Variants in THSD7A observed in about 807,000 individuals in gnomAD.
THSD7A encodes thrombospondin type-1 domain-containing protein 7A.
In THSD7A, 96 loss-of-function variants were observed where a neutral mutation model predicts 231.3. That is an observed-to-expected ratio of 0.41 (90% CI 0.35 to 0.49). The LOEUF (loss-of-function observed/expected upper bound fraction) is 0.49. THSD7A is among the 20% of genes least tolerant of loss of function. The pLI is 0.05. For missense variants in THSD7A, 2,290 were observed against 2,070.2 expected (o/e 1.11, Z -2.06); for synonymous variants, 940 against 743.3 (o/e 1.26, Z -4.30).
chr7:11,700,036 T>C (rs1780538547), intron 1 of THSD7A, among the ~76,000 whole-genome samples: 2 of 151,486 alleles, frequency 1.3e-5, no homozygotes, highest in Non-Finnish European at 3.0e-5. Context: ...ATAGTATTAG[T>C]TTAAAATTGT....
At chr7:11,684,994 C>A (rs1779986378) in intron 1 of THSD7A, among the ~76,000 whole-genome samples, 1 of 151,852 alleles carries the variant, frequency 6.6e-6, no homozygotes, top group Non-Finnish European at 1.5e-5. Flanking sequence ...TATAAGTAAC[C>A]AAAACTGCAT....
chr7:11,614,380 G>A (rs1004930159), intron 2 of THSD7A, among the ~76,000 whole-genome samples: 19 of 152,188 alleles, frequency 1.2e-4, no homozygotes, highest in Admixed American at 1.1e-3. Context: ...ACAAAAAGGG[G>A]AGATTTACTT....
intron 1 of THSD7A, among the ~76,000 whole-genome samples, chr7:11,789,022 G>GT (rs1562557127): frequency 6.6e-6 from 1 of 151,912 alleles, no homozygotes; most frequent in Non-Finnish European, 1.5e-5. Context: ...GTGATTGACA[G>GT]GAATTCTGGA....
intron 1 of THSD7A, among the ~76,000 whole-genome samples, chr7:11,680,217 C>T (rs1783816038): frequency 6.6e-6 from 1 of 152,124 alleles, no homozygotes; most frequent in Non-Finnish European, 1.5e-5. Context: ...GGATTAAGGA[C>T]TTCAACATAA....
chr7:11,658,369 C>G (rs1321541301), intron 1 of THSD7A, among the ~76,000 whole-genome samples: 1 of 151,708 alleles, frequency 6.6e-6, no homozygotes, highest in Non-Finnish European at 1.5e-5. Flanking sequence ...GTGTTTGTCA[C>G]TTGCTAATAC....
At chr7:11,512,943 A>ATATATATATATATATATATATATC (rs1787878094) in intron 6 of THSD7A, among the ~76,000 whole-genome samples, 1 of 46,754 alleles carries the variant, frequency 2.1e-5, no homozygotes, top group Non-Finnish European at 5.6e-5. Flanking sequence ...AGAAACTATG[A>ATATATATATATATATATATATATC]TATATATATA....
At chr7:11,748,976 G>T (rs1022718799) in intron 1 of THSD7A, among the ~76,000 whole-genome samples, 1 of 152,014 alleles carries the variant, frequency 6.6e-6, no homozygotes. Flanking sequence ...CAGCTGAGCG[G>T]GGAGGGGAGC....
intron 9 of THSD7A, among the ~76,000 whole-genome samples, chr7:11,466,534 C>T (rs1785712925): frequency 6.6e-6 from 1 of 152,148 alleles, no homozygotes; most frequent in South Asian, 2.1e-4. Context: ...CCTTCTATCA[C>T]TCTCCAGTCT....
chr7:11,569,280 C>T (rs1790520497), intron 4 of THSD7A, among the ~76,000 whole-genome samples: 1 of 152,112 alleles, frequency 6.6e-6, no homozygotes, highest in Admixed American at 6.6e-5. Flanking sequence ...GCAAACTATT[C>T]ATCCAACAAG....
intron 6 of THSD7A, among the ~76,000 whole-genome samples, chr7:11,539,321 T>A (rs946685121): frequency 9.2e-5 from 14 of 152,214 alleles, no homozygotes; most frequent in Non-Finnish European, 1.6e-4. Context: ...ATTTTATACA[T>A]CCATGTAGCT....
In THSD7A at chr7:11,831,032, C is replaced by T. The variant is rs1336873092; in HGVS notation, c.190+725G>A. Among the ~76,000 whole-genome samples the T allele has an allele frequency of 6.6e-6, 1 of 152,162 alleles. No homozygotes were observed. Among genetic ancestry groups the T allele is most frequent in the Non-Finnish European group, 1.5e-5 (1 of 68,038 alleles). ...TCCTCACTCCGTATTGTTTTCCTGC[C>T]TGTCACGGCCCCCGCCAGAAACTCC... On this transcript the variant is annotated intron_variant, in intron 1 of 27. Coordinates refer to ENST00000423059, the MANE Select transcript of THSD7A (RefSeq NM_015204.3). The surrounding 1 kb of genome is among the most constrained non-coding windows in gnomAD (Gnocchi z 5.0).
chr7:11,745,285 G>A (rs1387585676), intron 1 of THSD7A, among the ~76,000 whole-genome samples: 1 of 151,862 alleles, frequency 6.6e-6, no homozygotes, highest in Non-Finnish European at 1.5e-5. Flanking sequence ...CTTTTTGATG[G>A]GGTTGTTTGT....
At position 11,636,236 on chromosome 7, in the gene THSD7A, T is replaced by C; in HGVS notation, c.916A>G (p.Arg306Gly). 6.2e-7 allele frequency: 1 copy of C among 1,614,058 alleles called. No individual in the cohort carries two copies. The highest frequency in any genetic ancestry group is 8.5e-7 in the Non-Finnish European group (1 of 1,179,906). The change falls in exon 2 of 28, where the codon AGA becomes GGA. Residue 306 changes from arginine to glycine, a missense_variant. Arg to Gly is a moderately radical substitution (Grantham distance 125). Coordinates refer to ENST00000423059, the MANE Select transcript of THSD7A (RefSeq NM_015204.3). This position sits in a 1 kb window ranked among gnomAD's most constrained non-coding sequence, Gnocchi z 10.0. Reference protein sequence around the residue: ...ARELIKKKRNRNRQNRQENKY... With the variant: ...ARELIKKKRNGNRQNRQENKY... The stretch of plus-strand genomic sequence containing the variant: ...TTCTCTTGTCTGTTCTGCCTGTTTC[T>C]GTTTCTCTTTTTCTTAATAAGCTCG...
chr7:11,440,407 T>G (rs769506487), intron 13 of THSD7A, among the ~76,000 whole-genome samples: 19 of 152,128 alleles, frequency 1.2e-4, no homozygotes, highest in Non-Finnish European at 2.2e-4. Flanking sequence ...ATTTAAGAAA[T>G]GCATTTTGTA....
At chr7:11,625,198 T>C (rs1228349497) in intron 2 of THSD7A, among the ~76,000 whole-genome samples, 1 of 152,144 alleles carries the variant, frequency 6.6e-6, no homozygotes, top group Non-Finnish European at 1.5e-5. Context: ...CTGTTATATG[T>C]AGTCTTTTGA....
chr7:11,622,426 A>AT (rs1781341624), intron 2 of THSD7A, among the ~76,000 whole-genome samples: 1 of 151,966 alleles, frequency 6.6e-6, no homozygotes, highest in African/African-American at 2.4e-5. Context: ...TACATTCATG[A>AT]TTTTTTTGTA....
At chr7:11,609,479 G>C (rs1304810357) in intron 2 of THSD7A, among the ~76,000 whole-genome samples, 1 of 152,204 alleles carries the variant, frequency 6.6e-6, no homozygotes, top group African/African-American at 2.4e-5. Context: ...CATGGGAACA[G>C]AGGATTACTG....
rs574748524 is a variant in THSD7A at position 11,796,637 on chromosome 7, G to A, written c.190+35120C>T. Among the ~76,000 whole-genome samples the A allele has an allele frequency of 3.8e-4, 33 of 85,978 alleles. No individual in the cohort carries two copies. The South Asian group carries it at 5.3e-3, about 14-fold the overall frequency. 56.4% of individuals were successfully genotyped at this position (85,978 alleles called of 152,430 possible). A position where few individuals can be genotyped will look rare whatever the true frequency, so the allele number is the denominator to read the frequency against. On this transcript the variant is annotated intron_variant, in intron 1 of 27. Coordinates refer to ENST00000423059, the MANE Select transcript of THSD7A (RefSeq NM_015204.3). ...GTAAGATTATCTCTAAGTATTTCAC[G>A]TTTATTACTATTGTTATTTTATAGA...
At chr7:11,644,479 T>C (rs1246126226) in intron 1 of THSD7A, among the ~76,000 whole-genome samples, 1 of 152,010 alleles carries the variant, frequency 6.6e-6, no homozygotes, top group Non-Finnish European at 1.5e-5. Context: ...CTTCTTTGAC[T>C]TGAGTTTTAA....
Sources: allele counts gnomAD v4.1 joint callset (sites outside exome capture counted in the v4.1 genomes callset), GRCh38; gene constraint gnomAD v4.1.1; non-coding constraint Gnocchi (gnomAD v3.1); transcripts MANE v1.5; gene names NCBI Gene and HGNC (gene_info 2026-07-23, HGNC 2026-07-21).